GART: variants seen among roughly 807,000 people sequenced by gnomAD.
GART encodes phosphoribosylglycinamide formyltransferase, phosphoribosylglycinamide synthetase, phosphoribosylaminoimidazole synthetase.
GART carries 43 observed loss-of-function variants against 107.2 expected under a neutral mutation model. The ratio of observed to expected loss-of-function variants is 0.40; its 90% CI spans 0.31 to 0.52. The LOEUF is 0.52. GART is among the 20% of genes least tolerant of loss of function. The probability of loss-of-function intolerance (pLI) is 0.52; values close to 1 mark genes in which losing one functional copy is unlikely to be tolerated. For missense variants in GART, 1,107 were observed against 1,206.5 expected, an observed-to-expected ratio of 0.92 and a Z score of 1.22; for synonymous variants, 434 against 427.0, an observed-to-expected ratio of 1.02 and a Z score of -0.20.
In GART at chr21:33,504,174, T is replaced by C; in HGVS notation, c.2983A>G (p.Thr995Ala). 1.2e-6 allele frequency: 2 copies of C among 1,614,142 alleles called. No homozygotes were observed. Among genetic ancestry groups the C allele is most frequent in the African/African-American group, 2.7e-5 (2 of 75,038 alleles). Reference sequence around the variant, plus strand: ...TTGCCATTTTCTCCAAGCTGTACAGTTCCACTGGCCACCAGCTGAAGGGCT... The same window carrying C: ...TTGCCATTTTCTCCAAGCTGTACAGCTCCACTGGCCACCAGCTGAAGGGCT... The part of the protein sequence containing the change: ...PAALQLVASG[T>A]VQLGENGKIC... The change falls in exon 22 of 22, where the codon ACT becomes GCT. Residue 995 changes from threonine to alanine, a missense_variant. By Grantham distance (58) the Thr-to-Ala change is moderately conservative. Coordinates refer to ENST00000381815, the MANE Select transcript of GART (RefSeq NM_000819.5).
intron 11 of GART, among the ~76,000 whole-genome samples, chr21:33,523,032 G>C (rs2085000784): frequency 6.6e-6 from 1 of 152,114 alleles, no homozygotes; most frequent in Non-Finnish European, 1.5e-5. Context: ...TATGACAAAA[G>C]CAAAACCAGG....
At chr21:33,513,402 T>C (rs977847349) in intron 16 of GART, among the ~76,000 whole-genome samples, 1 of 151,848 alleles carries the variant, frequency 6.6e-6, no homozygotes, top group Non-Finnish European at 1.5e-5. Flanking sequence ...AAACCCCATC[T>C]CTACTGAAAA....
intron 15 of GART, 45 bp downstream of exon 15, chr21:33,517,312 C>G (rs1222093374): frequency 1.2e-6 from 2 of 1,608,392 alleles, no homozygotes; most frequent in Non-Finnish European, 1.7e-6. Flanking sequence ...TAAATGCTTG[C>G]TCAGGCATTT....
At chr21:33,507,140 AG>A (rs1764566181) in intron 18 of GART, among the ~76,000 whole-genome samples, 1 of 152,244 alleles carries the variant, frequency 6.6e-6, no homozygotes, top group Non-Finnish European at 1.5e-5. Context: ...AAGATTTGGA[AG>A]CAACCTAAAT....
Position 33,504,162 on chromosome 21 carries a change from C to T in GART, c.2995G>A (p.Gly999Arg), listed in dbSNP as rs1470755835. 1 of 1,613,532 alleles carries T rather than the reference C, an allele frequency of 6.2e-7. No individual in the cohort carries two copies. Among genetic ancestry groups the T allele is most frequent in the East Asian group, 2.2e-5 (1 of 44,886 alleles). Residue 999 changes from glycine to arginine, a missense_variant, in exon 22 of 22, where the codon GGA becomes AGA. Coordinates refer to ENST00000381815, the MANE Select transcript of GART (RefSeq NM_000819.5). The stretch of plus-strand genomic sequence containing the variant: ...ACCCAACAGATCTTGCCATTTTCTC[C>T]AAGCTGTACAGTTCCACTGGCCACC... ...QLVASGTVQL[G>R]ENGKICWVKE...
In GART at chr21:33,504,334, G is replaced by C; in HGVS notation, c.2842-19C>G. On this transcript the variant is annotated intron_variant, in intron 21 of 21. Coordinates refer to ENST00000381815, the MANE Select transcript of GART (RefSeq NM_000819.5). Reference sequence around the variant, plus strand: ...CATCTTCCTGGAAAAGTAAGCAAAAGTTTTGAACATTACCTTCTAGCCAGT... The same window carrying C: ...CATCTTCCTGGAAAAGTAAGCAAAACTTTTGAACATTACCTTCTAGCCAGT... The C allele has an allele frequency of 1.2e-6, 2 of 1,612,706 alleles. No individual in the cohort carries two copies. Among genetic ancestry groups the C allele is most frequent in the Non-Finnish European group, 1.7e-6 (2 of 1,178,938 alleles).
At chr21:33,539,513 G>A (rs1360195991) in intron 1 of GART, among the ~76,000 whole-genome samples, 157 bp from the exon 2 acceptor site, 1 of 152,036 alleles carries the variant, frequency 6.6e-6, no homozygotes, top group African/African-American at 2.4e-5. Context: ...GGCCAACATG[G>A]CAAAACCTCA....
At position 33,504,413 on chromosome 21, in the gene GART, G is replaced by T; in HGVS notation, c.2840C>A (p.Ala947Asp). Residue 947 changes from alanine to aspartate, a missense_variant and splice_region_variant, in exon 21 of 22, where the codon GCT (alanine) becomes GAT (aspartate). Ala to Asp is a moderately radical substitution (Grantham distance 126). Coordinates refer to ENST00000381815, the MANE Select transcript of GART (RefSeq NM_000819.5). ...GTTGGTAGAAAAAGACATACTCACAGCTACAAAGTGTACAGTGCACCCAGT... is the reference window on the plus strand; with the variant it reads ...GTTGGTAGAAAAAGACATACTCACATCTACAAAGTGTACAGTGCACCCAGT... ...TVTGCTVHFV[A>D]EDVDAGQIIL... 5 of 1,613,178 alleles carry T rather than the reference G, an allele frequency of 3.1e-6. No individual in the cohort carries two copies. The highest frequency in any genetic ancestry group is 4.2e-6 in the Non-Finnish European group (5 of 1,179,160).
Position 33,530,620 on chromosome 21 carries a change from T to G in GART, c.723+139A>C, listed in dbSNP as rs960892605. 1.3e-5 allele frequency: 11 copies of G among 867,044 alleles called. No homozygotes were observed. In the South Asian group the frequency reaches 4.5e-4, roughly 35 times the overall value. The allele number at this position is 867,044 out of a possible 1,614,324, so 53.7% of individuals were successfully genotyped here. On this transcript the variant is annotated intron_variant, in intron 7 of 21. Transcript: ENST00000381815. ...TAGTTTTAGAGACCAGAAAAGATAC[T>G]CCTCATTTAATTGCTGATTAGTAAC...
At position 33,535,231 on chromosome 21, in the gene GART, C is replaced by T; in HGVS notation, c.235G>A (p.Ala79Thr). ...AAACAGAAACAAACTTTACCAGCAGCCAGAGGTGCTTCTGGTCCAACAACT... is the reference window on the plus strand; with the variant it reads ...AAACAGAAACAAACTTTACCAGCAGTCAGAGGTGCTTCTGGTCCAACAACT... ...FVVVGPEAPL[A>T]AGIVGNLRSA... The change falls in exon 3 of 22, where the codon GCT (alanine) becomes ACT (threonine). Residue 79 changes from alanine to threonine, a missense_variant. Coordinates refer to ENST00000381815, the MANE Select transcript of GART (RefSeq NM_000819.5). 1 of 1,582,006 alleles carries T rather than the reference C, an allele frequency of 6.3e-7. No individual in the cohort carries two copies. The highest frequency in any genetic ancestry group is 1.2e-5 in the South Asian group (1 of 84,800).
At chr21:33,527,034 T>G (rs906153025) in intron 10 of GART, among the ~76,000 whole-genome samples, 1 of 152,234 alleles carries the variant, frequency 6.6e-6, no homozygotes, top group African/African-American at 2.4e-5. Flanking sequence ...GGCAGAACTA[T>G]TATACACTTG....
intron 12 of GART, among the ~76,000 whole-genome samples, chr21:33,521,718 G>A (rs530722995): frequency 6.6e-5 from 10 of 151,714 alleles, no homozygotes; most frequent in African/African-American, 2.4e-4. Flanking sequence ...CCAGCACTTT[G>A]GGAGGCTGAG....
chr21:33,540,003 GTAT>G (rs1217286494), intron 1 of GART, among the ~76,000 whole-genome samples: 2 of 152,198 alleles, frequency 1.3e-5, no homozygotes, highest in East Asian at 3.9e-4. Flanking sequence ...GACTCAAAAT[GTAT>G]TATAAAATAT....
chr21:33,526,166 C>T (rs578232470), intron 10 of GART, among the ~76,000 whole-genome samples: 84 of 151,222 alleles, frequency 5.6e-4, no homozygotes, highest in African/African-American at 2.0e-3. Context: ...TGCGCCCAGC[C>T]GGGAACTTCC....
chr21:33,512,403 G>A (rs2084801748), intron 16 of GART, among the ~76,000 whole-genome samples: 1 of 150,044 alleles, frequency 6.7e-6, no homozygotes, highest in Non-Finnish European at 1.5e-5. Flanking sequence ...CAACATTTCT[G>A]AATTTAAAAA....
At chr21:33,531,656 T>C in intron 5 of GART, 99 bp from the exon 6 acceptor site, 1 of 1,045,018 alleles carries the variant, frequency 9.6e-7, no homozygotes, top group Non-Finnish European at 1.4e-6. Flanking sequence ...ATTTGTATTA[T>C]GAACCAGTGA....
chr21:33,537,750 G>C (rs62227704), intron 2 of GART, among the ~76,000 whole-genome samples: 27,734 of 152,054 alleles, frequency 0.18, 3,086 homozygotes, highest in Non-Finnish European at 0.24. Context: ...ATAGGGTATA[G>C]TGAAAAGAGA....
At chr21:33,507,396 G>T (rs1252380968) in intron 18 of GART, among the ~76,000 whole-genome samples, 2 of 152,204 alleles carry the variant, frequency 1.3e-5, no homozygotes, top group Non-Finnish European at 2.9e-5. Flanking sequence ...CAGAGGCTAG[G>T]AAGGGTAGTG....
chr21:33,535,816 T>C (rs997146251), intron 2 of GART, among the ~76,000 whole-genome samples: 11 of 151,914 alleles, frequency 7.2e-5, no homozygotes, highest in Admixed American at 6.6e-4. Flanking sequence ...TCACCTAAGG[T>C]CAGGAGTTCG....
Sources: allele counts gnomAD v4.1 joint callset (sites outside exome capture counted in the v4.1 genomes callset), GRCh38; gene constraint gnomAD v4.1.1; transcripts MANE v1.5; gene names NCBI Gene and HGNC (gene_info 2026-07-23, HGNC 2026-07-21).